The following MEI1 variants were observed in gnomAD, a reference collection of about 807,000 sequenced individuals.
MEI1 encodes the protein meiosis inhibitor protein 1.
A neutral mutation model predicts 146.2 loss-of-function variants in MEI1; 103 were observed. The ratio of observed to expected loss-of-function variants is 0.70; its 90% CI spans 0.60 to 0.83. The LOEUF (loss-of-function observed/expected upper bound fraction) is 0.83. Ranked by LOEUF, MEI1 falls within the 40% of genes least tolerant of loss-of-function variation. The probability of loss-of-function intolerance (pLI) is 0.00; values close to 1 mark genes in which losing one functional copy is unlikely to be tolerated. For synonymous variants in MEI1, 652 were observed against 628.2 expected (o/e 1.04, Z -0.57); for missense variants, 1,529 against 1,533.0 (o/e 1.00, Z 0.04).
chr22:41,730,674 G>A, intron 9 of MEI1, 37 bp downstream of exon 9: 1 of 1,441,158 alleles, frequency 6.9e-7, no homozygotes, highest in African/African-American at 1.4e-5. Context: ...TTTGGGTTGG[G>A]TGGACGGCAG....
rs957587470 is a variant in MEI1 at position 41,746,190 on chromosome 22, G to A, written c.1680+164G>A. The stretch of plus-strand genomic sequence containing the variant: ...CTTTCCTTTGTTCTAAAAATAAAAT[G>A]TAGTGTTTGATTATGAAACTAACAG... On this transcript the variant is annotated intron_variant, in intron 14 of 30. Coordinates refer to ENST00000401548, the MANE Select transcript of MEI1 (RefSeq NM_152513.4). The A allele has an allele frequency of 5.5e-6, 3 of 548,842 alleles. 1 individual carries two copies. Among genetic ancestry groups the A allele is most frequent in the African/African-American group, 1.9e-5 (1 of 52,970 alleles). The allele number at this position is 548,842 out of a possible 1,614,324, so 34.0% of individuals were successfully genotyped here.
In MEI1 at chr22:41,748,169, C is replaced by T; in HGVS notation, c.1743C>T (p.Asn581=). The T allele has an allele frequency of 6.2e-7, 1 of 1,613,976 alleles. No homozygotes were observed. The stretch of plus-strand genomic sequence containing the variant: ...AAGTTTTCCTCTCAATTCTACATAA[C>T]CTCTTTGTCATCGTTCCCCACATGA... The part of the protein sequence containing the change: ...LMEVFLSILH[N]LFVIVPHMKE... Residue 581 remains asparagine, a synonymous_variant, in exon 15 of 31, where the codon AAC becomes AAT. Transcript: ENST00000401548.
chr22:41,774,464 C>T (rs954319214), intron 20 of MEI1: 1 of 152,292 alleles, frequency 6.6e-6, no homozygotes, highest in South Asian at 2.1e-4. Context: ...CCTCCCTTCC[C>T]GTCGGGCTTC....
In MEI1 at chr22:41,781,688, C is replaced by T; in HGVS notation, c.2930C>T (p.Ala977Val). 6.2e-7 allele frequency: 1 copy of T among 1,613,084 alleles called. No homozygotes were observed. Among genetic ancestry groups the T allele is most frequent in the South Asian group, 1.1e-5 (1 of 91,016 alleles). ...CTGCCTTGCCCACCCCCGACAGCTGCTGCAGTGCTCCTGAGCAGCACAGGC... is the reference window on the plus strand; with the variant it reads ...CTGCCTTGCCCACCCCCGACAGCTGTTGCAGTGCTCCTGAGCAGCACAGGC... ...QTTPSSQKRA[A>V]AVLLSSTGLM... The change falls in exon 24 of 31, where the codon GCT (alanine) becomes GTT (valine). Residue 977 changes from alanine to valine, a missense_variant. Physicochemically the swap from Ala to Val is moderately conservative, Grantham distance 64. Around this residue, in one of 3 missense-constraint regions of MEI1, gnomAD observed 1,212 missense variants for 1,178.9 expected, o/e 1.03. Transcript: ENST00000401548.
At chr22:41,709,678 G>C (rs1488763782) in intron 3 of MEI1, among the ~76,000 whole-genome samples, 1 of 151,952 alleles carries the variant, frequency 6.6e-6, no homozygotes, top group Admixed American at 6.6e-5. Flanking sequence ...CTAGTAAGAA[G>C]AGCCCCAGAG....
intron 25 of MEI1, 24 bp from the exon 26 acceptor site, chr22:41,784,584 G>A (rs912869752): frequency 9.3e-6 from 15 of 1,608,876 alleles, no homozygotes; most frequent in Middle Eastern, 3.3e-4. Context: ...CAGGAATTGG[G>A]TGTAAGGAAT....
At position 41,784,801 on chromosome 22, in the gene MEI1, T is replaced by TGG; in HGVS notation, c.3345+21_3345+22dup. 2 of 1,567,420 alleles carry TGG rather than the reference T, an allele frequency of 1.3e-6. No homozygotes were observed. Among genetic ancestry groups the TGG allele is most frequent in the Non-Finnish European group, 1.7e-6 (2 of 1,152,910 alleles). ...TGGTGCAGGTAAGGCCCTTGCTGAG[T>TGG]GGGGCTTGCTTCTCCCAGGACAACA... On this transcript the variant is annotated intron_variant, in intron 26 of 30. Transcript: ENST00000401548.
chr22:41,745,825 T>C (rs2073240998), intron 13 of MEI1, 60 bp from the exon 14 acceptor site: 1 of 1,490,414 alleles, frequency 6.7e-7, no homozygotes, highest in Non-Finnish European at 9.0e-7. Context: ...CCCAGGAAGC[T>C]GTTTGTAACC....
intron 19 of MEI1, among the ~76,000 whole-genome samples, chr22:41,764,984 A>C (rs1048433822): frequency 3.3e-5 from 5 of 152,134 alleles, no homozygotes; most frequent in African/African-American, 1.2e-4. Context: ...TGACCTGAGA[A>C]GCCTTTGCTT....
At chr22:41,776,372 T>C in intron 21 of MEI1, 105 bp downstream of exon 21, 1 of 1,294,604 alleles carries the variant, frequency 7.7e-7, no homozygotes, top group South Asian at 1.4e-5. Context: ...CAGGGTTTTA[T>C]CTGAAAAAGA....
At chr22:41,717,993 A>T in intron 5 of MEI1, 78 bp from the exon 6 acceptor site, 2 of 1,179,348 alleles carry the variant, frequency 1.7e-6, no homozygotes, top group Non-Finnish European at 2.4e-6. Flanking sequence ...CTACCCCGTT[A>T]GGAATAATAG....
chr22:41,736,814 CTGGGA>C lies in MEI1; in HGVS notation c.1331+4213_1331+4217del, dbSNP rs536975056. Among the ~76,000 whole-genome samples the C allele has an allele frequency of 1.4e-4, 21 of 152,250 alleles. No individual in the cohort carries two copies. The East Asian group carries it at 4.1e-3, about 29-fold the overall frequency. ...TTACTGTAGAAAATAACATAGGTTCCTGGGATTAGGACCTGACATCTTTGGGTACC... is the reference window on the plus strand; with the variant it reads ...TTACTGTAGAAAATAACATAGGTTCCTTAGGACCTGACATCTTTGGGTACC... On this transcript the variant is annotated intron_variant, in intron 11 of 30. Transcript: ENST00000401548.
In MEI1 at chr22:41,799,357, A is replaced by G. The variant is rs1298784981; in HGVS notation, c.*58A>G. The G allele has an allele frequency of 3.2e-6, 5 of 1,541,992 alleles. No homozygotes were observed. The highest frequency in any genetic ancestry group is 3.6e-6 in the Non-Finnish European group (4 of 1,118,272). Reference sequence around the variant, plus strand: ...AGAATGAGACCTGGAGACAAAGGGCATAATTGTTGGGGAAATGGATGACAG... The same window carrying G: ...AGAATGAGACCTGGAGACAAAGGGCGTAATTGTTGGGGAAATGGATGACAG... On this transcript the variant is annotated 3_prime_UTR_variant, in exon 31 of 31. Transcript: ENST00000401548.
At position 41,699,680 on chromosome 22, in the gene MEI1, G is replaced by A. The variant is rs768758336; in HGVS notation, c.142G>A (p.Ala48Thr). Residue 48 changes from alanine (A) to threonine (T), a missense_variant, in exon 1 of 31, where the codon GCG becomes ACG. This residue lies in a region of MEI1 where 1,212 missense variants were observed against 1,178.9 expected (regional missense o/e 1.03). Coordinates refer to ENST00000401548, the MANE Select transcript of MEI1 (RefSeq NM_152513.4). ...PVTPRLCLAC[A>T]LELLPDPGVS... The stretch of plus-strand genomic sequence containing the variant: ...GACCCCCCGCCTGTGCCTGGCCTGC[G>A]CGCTGGAGCTGCTGCCGGACCCCGG... 6.3e-6 allele frequency: 10 copies of A among 1,589,924 alleles called. No homozygotes were observed. The Admixed American group carries it at 7.2e-5, about 11-fold the overall frequency.
intron 19 of MEI1, among the ~76,000 whole-genome samples, chr22:41,769,119 A>G (rs1428554565): frequency 6.6e-6 from 1 of 152,058 alleles, no homozygotes. Flanking sequence ...AACAATCTTG[A>G]AAAAAAAGAA....
intron 26 of MEI1, among the ~76,000 whole-genome samples, chr22:41,789,819 A>G (rs776418875): frequency 6.6e-6 from 1 of 152,220 alleles, no homozygotes; most frequent in Non-Finnish European, 1.5e-5. Context: ...CTCCCCCTGT[A>G]GAAGGTGCTG....
rs114137407 is a variant in MEI1 at position 41,727,866 on chromosome 22, G to A, written c.865-1799G>A. Among the ~76,000 whole-genome samples, 724 of 152,194 alleles carry A rather than the reference G, an allele frequency of 4.8e-3. 4 individuals are homozygous for A. The highest frequency in any genetic ancestry group is 0.017 in the African/African-American group (688 of 41,516). ...ACCTTACCTACTGAGGAAGCTCATC[G>A]GAGTGTCAGTACCCCAGGTTTTTAT... On this transcript the variant is annotated intron_variant, in intron 7 of 30. Coordinates refer to ENST00000401548, the MANE Select transcript of MEI1 (RefSeq NM_152513.4).
chr22:41,752,286 A>G (rs2073812234), intron 15 of MEI1, among the ~76,000 whole-genome samples: 1 of 152,218 alleles, frequency 6.6e-6, no homozygotes, highest in South Asian at 2.1e-4. Context: ...GTGGAGGATC[A>G]TTCAGAATGG....
intron 6 of MEI1, among the ~76,000 whole-genome samples, chr22:41,719,574 A>T (rs956166460): frequency 1.3e-5 from 2 of 152,064 alleles, no homozygotes; most frequent in Admixed American, 6.5e-5. Context: ...GAGGGTCCAA[A>T]CCCAAACCCC....
Sources: gnomAD v4.1 joint callset for allele counts (sites outside exome capture counted in the v4.1 genomes callset) on GRCh38, gnomAD v4.1.1 for gene constraint, gnomAD v4.1.1 regional missense constraint, MANE v1.5 for transcripts, NCBI Gene and HGNC (gene_info 2026-07-23, HGNC 2026-07-21) for gene names.